The following TPST1 variants were observed in gnomAD, a reference collection of about 807,000 sequenced individuals.
TPST1 encodes protein-tyrosine sulfotransferase 1.
In TPST1, 20 loss-of-function variants were observed where a neutral mutation model predicts 34.8. That is an observed-to-expected ratio of 0.57 (90% CI 0.40 to 0.84). The LOEUF (loss-of-function observed/expected upper bound fraction) is 0.84, where lower values mean the gene tolerates loss of function less well. TPST1 is among the 40% of genes least tolerant of loss of function. TPST1 has a pLI of 0.00. For synonymous variants in TPST1, 152 were observed against 159.4 expected (o/e 0.95, Z 0.35); for missense variants, 353 against 455.5 (o/e 0.78, Z 2.05).
chr7:66,201,381 C>CAAAAAA (rs138553925), upstream of TPST1, among the ~76,000 whole-genome samples: 4 of 73,514 alleles, frequency 5.4e-5, no homozygotes, highest in Non-Finnish European at 8.5e-5. Context: ...CCATCTCTAC[C>CAAAAAA]AAAAAAAAAA....
intron 2 of TPST1, among the ~76,000 whole-genome samples, chr7:66,265,834 T>G (rs985455490): frequency 4.6e-5 from 7 of 152,146 alleles, no homozygotes; most frequent in African/African-American, 1.4e-4. Flanking sequence ...CAGAAGGCAA[T>G]GGGTTGATGT....
chr7:66,267,945 T>TCCTTCCTTC (rs1181112078), intron 2 of TPST1, among the ~76,000 whole-genome samples: 2 of 151,928 alleles, frequency 1.3e-5, no homozygotes, highest in African/African-American at 4.8e-5. Context: ...TTCCTTCCTT[T>TCCTTCCTTC]CCTTCCTTCC....
At chr7:66,334,917 G>A (rs2036264) in intron 3 of TPST1, among the ~76,000 whole-genome samples, 92,547 of 151,942 alleles carry the variant, frequency 0.61, 28,736 homozygotes, top group African/African-American at 0.73. Context: ...TCCCATCAGG[G>A]AGAGCCAGGA....
At chr7:66,249,609 G>A (rs932315174) in intron 2 of TPST1, among the ~76,000 whole-genome samples, 1 of 152,166 alleles carries the variant, frequency 6.6e-6, no homozygotes, top group Non-Finnish European at 1.5e-5. Flanking sequence ...CAGGTTTCCC[G>A]GTGATGCTAA....
At chr7:66,236,722 A>G (rs1789919695) in intron 1 of TPST1, among the ~76,000 whole-genome samples, 1 of 152,172 alleles carries the variant, frequency 6.6e-6, no homozygotes, top group East Asian at 1.9e-4. Context: ...TTCTAAATTA[A>G]CTGATACCTG....
At chr7:66,308,109 T>C (rs1791459376) in intron 3 of TPST1, among the ~76,000 whole-genome samples, 1 of 152,246 alleles carries the variant, frequency 6.6e-6, no homozygotes, top group Non-Finnish European at 1.5e-5. Context: ...TGCAGTCATG[T>C]ACACTGCTTC....
At chr7:66,210,830 G>A (rs1789227039) in intron 1 of TPST1, among the ~76,000 whole-genome samples, 1 of 152,144 alleles carries the variant, frequency 6.6e-6, no homozygotes, top group African/African-American at 2.4e-5. Context: ...CCAGGCACAT[G>A]TGATGGCACA....
chr7:66,357,788 CA>C (rs1792609895), intron 5 of TPST1, among the ~76,000 whole-genome samples: 1 of 152,142 alleles, frequency 6.6e-6, no homozygotes, highest in South Asian at 2.1e-4. Flanking sequence ...ACAGCCTTTT[CA>C]AAAAATCTGA....
At chr7:66,254,270 T>A (rs907771136) in intron 2 of TPST1, among the ~76,000 whole-genome samples, 1 of 152,250 alleles carries the variant, frequency 6.6e-6, no homozygotes, top group Non-Finnish European at 1.5e-5. Context: ...TTAGGTCGTC[T>A]ACAATATCCT....
intron 3 of TPST1, among the ~76,000 whole-genome samples, chr7:66,300,381 C>T (rs917984633): frequency 6.6e-6 from 1 of 152,198 alleles, no homozygotes; most frequent in Non-Finnish European, 1.5e-5. Flanking sequence ...TCTTCAGGCT[C>T]ACTTCTAGTT....
rs74352232 is a variant in TPST1 at position 66,278,797 on chromosome 7, C to CA, written c.846-7701dup. Among the ~76,000 whole-genome samples the CA allele has an allele frequency of 3.1e-3, 377 of 122,246 alleles. 1 individual carries two copies. The highest frequency in any genetic ancestry group is 6.8e-3 in the Admixed American group (83 of 12,188). The allele number at this position is 122,246 out of a possible 152,430, so 80.2% of individuals were successfully genotyped here. On this transcript the variant is annotated intron_variant, in intron 2 of 5. Coordinates refer to ENST00000304842, the MANE Select transcript of TPST1 (RefSeq NM_003596.4). ...TGGGTGGCAGAACGAGATTCCGTCT[C>CA]AAAAAAAAAAAAAGTTTATCATAGA...
In TPST1 at chr7:66,347,059, C is replaced by CTTTTTTTTTTTTTTTTTTTTTTT. The variant is rs71051352; in HGVS notation, c.1045-5442_1045-5420dup. Among the ~76,000 whole-genome samples, 12 of 59,972 alleles carry CTTTTTTTTTTTTTTTTTTTTTTT rather than the reference C, an allele frequency of 2.0e-4. 2 individuals carry two copies. The highest frequency in any genetic ancestry group is 1.1e-3 in the East Asian group (2 of 1,844). 39.3% of individuals were successfully genotyped at this position (59,972 alleles called of 152,430 possible). A position where few individuals can be genotyped will look rare whatever the true frequency, so the allele number is the denominator to read the frequency against. On this transcript the variant is annotated intron_variant, in intron 3 of 5. Coordinates refer to ENST00000304842, the MANE Select transcript of TPST1 (RefSeq NM_003596.4). ...TTTCTTCTTTTTTTCCTTTGCTTTTCTTTTTTTTTTTTTTTTTTTTTTTTT... is the reference window on the plus strand; with the variant it reads ...TTTCTTCTTTTTTTCCTTTGCTTTTCTTTTTTTTTTTTTTTTTTTTTTTTTTTTTTTTTTTTTTTTTTTTTTTT...
At chr7:66,204,218 C>T (rs566211080), upstream of TPST1, among the ~76,000 whole-genome samples, 10 of 152,016 alleles carry the variant, frequency 6.6e-5, no homozygotes, top group South Asian at 2.1e-4. Flanking sequence ...ATTATTCGGC[C>T]GTAACAAGGA....
chr7:66,338,588 A>G (rs1792169656), intron 3 of TPST1, among the ~76,000 whole-genome samples: 1 of 152,222 alleles, frequency 6.6e-6, no homozygotes, highest in South Asian at 2.1e-4. Flanking sequence ...TCACAAAACA[A>G]GTTTTAACAA....
At chr7:66,294,492 T>C (rs1349856609) in intron 3 of TPST1, among the ~76,000 whole-genome samples, 1 of 152,140 alleles carries the variant, frequency 6.6e-6, no homozygotes, top group Non-Finnish European at 1.5e-5. Flanking sequence ...TTATTTCCCC[T>C]TTTCAATTCA....
chr7:66,352,529 CCTGA>C lies in TPST1; in HGVS notation c.1072_1075del (p.Asp358PhefsTer22). ...GGTCTATAAGGGAGAATTCCAACTACCTGACTTTCTTAAAGAAAAACCACAGGTA... is the reference window on the plus strand; with the variant it reads ...GGTCTATAAGGGAGAATTCCAACTACCTTTCTTAAAGAAAAACCACAGGTA... On this transcript the variant is annotated frameshift_variant, in exon 4 of 6. Transcript: ENST00000304842. LOFTEE classifies it high-confidence loss of function. The C allele has an allele frequency of 6.2e-7, 1 of 1,613,254 alleles. No homozygotes were observed. Among genetic ancestry groups the C allele is most frequent in the Non-Finnish European group, 8.5e-7 (1 of 1,179,790 alleles).
intron 2 of TPST1, among the ~76,000 whole-genome samples, chr7:66,247,881 C>T (rs527780412): frequency 6.2e-4 from 95 of 152,314 alleles, no homozygotes; most frequent in African/African-American, 2.1e-3. Context: ...GGAACAACTA[C>T]GCCCTGTTAT....
At chr7:66,265,057 G>A (rs901079067) in intron 2 of TPST1, among the ~76,000 whole-genome samples, 7 of 152,102 alleles carry the variant, frequency 4.6e-5, no homozygotes, top group African/African-American at 1.7e-4. Context: ...GGCCCATCAG[G>A]AGATTTGAAC....
At chr7:66,264,447 C>A (rs543047411) in intron 2 of TPST1, among the ~76,000 whole-genome samples, 1 of 152,296 alleles carries the variant, frequency 6.6e-6, no homozygotes, top group South Asian at 2.1e-4. Context: ...TTAGAAGCTA[C>A]CTGGCTAAGT....
Sources: allele counts gnomAD v4.1 joint callset (sites outside exome capture counted in the v4.1 genomes callset), GRCh38; gene constraint gnomAD v4.1.1; transcripts MANE v1.5; gene names NCBI Gene and HGNC (gene_info 2026-07-23, HGNC 2026-07-21).